TAFA5: variants seen among roughly 807,000 people sequenced by gnomAD.
TAFA5 encodes the protein chemokine-like protein TAFA-5.
Under a neutral mutation model 15.3 loss-of-function variants are expected in TAFA5, and 6 were observed. The ratio of observed to expected loss-of-function variants is 0.39; its 90% CI spans 0.21 to 0.77. The LOEUF is 0.77. Among genes scored for constraint, TAFA5 ranks in the 30% least tolerant of loss-of-function variants. TAFA5 has a pLI of 0.41. For missense variants in TAFA5, 161 were observed against 193.1 expected (o/e 0.83, Z 0.98); for synonymous variants, 103 against 80.7 (o/e 1.28, Z -1.48).
intron 1 of TAFA5, among the ~76,000 whole-genome samples, chr22:48,559,555 CT>C (rs1411647510): frequency 2.6e-5 from 4 of 152,140 alleles, no homozygotes; most frequent in East Asian, 1.9e-4. Context: ...CCCTTCCCCC[CT>C]GGTCTCCACG....
At chr22:48,586,704 A>T (rs1924374646) in intron 1 of TAFA5, among the ~76,000 whole-genome samples, 1 of 152,238 alleles carries the variant, frequency 6.6e-6, no homozygotes, top group Non-Finnish European at 1.5e-5. Flanking sequence ...GGTCCTGGGA[A>T]GGTGGCTTGG....
chr22:48,512,817 G>A lies in TAFA5; in HGVS notation c.112+23113G>A, dbSNP rs551682659. ...GAGCGCCTTTAGTCCCAGCTACTTG[G>A]GAGGCTGAGGCAGGAGAATGGTGTG... On this transcript the variant is annotated intron_variant, in intron 1 of 3. Transcript: ENST00000402357. Among the ~76,000 whole-genome samples, 7 of 151,414 alleles carry A rather than the reference G, an allele frequency of 4.6e-5. No homozygotes were observed. In the East Asian group the frequency reaches 1.4e-3, roughly 30 times the overall value.
intron 1 of TAFA5, among the ~76,000 whole-genome samples, chr22:48,512,814 T>C (rs1466938044): frequency 4.0e-5 from 6 of 150,556 alleles, no homozygotes; most frequent in Admixed American, 2.6e-4. Flanking sequence ...TCCCAGCTAC[T>C]TGGGAGGCTG....
intron 2 of TAFA5, among the ~76,000 whole-genome samples, chr22:48,698,568 G>A (rs1928801607): frequency 7.2e-6 from 1 of 139,702 alleles, no homozygotes; most frequent in Non-Finnish European, 1.6e-5. Flanking sequence ...CCAGTGCCAT[G>A]CAGGGAGGCT....
intron 2 of TAFA5, among the ~76,000 whole-genome samples, chr22:48,703,835 G>A (rs1446948382): frequency 6.6e-6 from 1 of 152,218 alleles, no homozygotes; most frequent in Non-Finnish European, 1.5e-5. Flanking sequence ...TCTGGTCTGT[G>A]CCAACCCCAC....
chr22:48,613,951 A>T (rs1301560523), intron 1 of TAFA5, among the ~76,000 whole-genome samples: 2 of 151,604 alleles, frequency 1.3e-5, no homozygotes, highest in Non-Finnish European at 2.9e-5. Context: ...GCTTCCCACC[A>T]CCCCCGGCTC....
At chr22:48,632,840 G>A (rs972842315) in intron 1 of TAFA5, among the ~76,000 whole-genome samples, 2 of 152,314 alleles carry the variant, frequency 1.3e-5, no homozygotes, top group African/African-American at 4.8e-5. Context: ...CCCAGGCGGA[G>A]GCTGGGCTGG....
At chr22:48,601,884 G>C (rs763565670) in intron 1 of TAFA5, among the ~76,000 whole-genome samples, 1 of 152,150 alleles carries the variant, frequency 6.6e-6, no homozygotes, top group South Asian at 2.1e-4. Flanking sequence ...GAGTGGCCTC[G>C]TTCCTCCACA....
At chr22:48,704,200 GCACA>G (rs61363637) in intron 2 of TAFA5, among the ~76,000 whole-genome samples, 227 of 150,214 alleles carry the variant, frequency 1.5e-3, no homozygotes, top group Non-Finnish European at 2.5e-3. Flanking sequence ...ACACACACGC[GCACA>G]CACACACACA....
At chr22:48,510,271 C>G (rs552857595) in intron 1 of TAFA5, among the ~76,000 whole-genome samples, 3 of 152,008 alleles carry the variant, frequency 2.0e-5, no homozygotes, top group Non-Finnish European at 4.4e-5. Context: ...GTGGAATGGG[C>G]GAGAATATTT....
At chr22:48,712,496 G>A (rs972511198) in intron 3 of TAFA5, among the ~76,000 whole-genome samples, 1 of 152,208 alleles carries the variant, frequency 6.6e-6, no homozygotes, top group African/African-American at 2.4e-5. Context: ...GAGGGTGAGC[G>A]CCCGGTGACA....
intron 2 of TAFA5, among the ~76,000 whole-genome samples, chr22:48,660,004 C>T (rs1474264755): frequency 6.6e-6 from 1 of 152,170 alleles, no homozygotes; most frequent in Admixed American, 6.5e-5. Flanking sequence ...CTGTTCCTCC[C>T]CTGCTCCGGG....
intron 1 of TAFA5, among the ~76,000 whole-genome samples, chr22:48,607,733 T>C (rs1419880873): frequency 1.3e-5 from 2 of 151,380 alleles, no homozygotes; most frequent in African/African-American, 4.9e-5. Context: ...AAAATGGGGG[T>C]TGGGGAGGCG....
rs1266079911 is a variant in TAFA5, at chr22:48,573,682, C to T, written c.113-72915C>T. On this transcript the variant is annotated intron_variant, in intron 1 of 3. Coordinates refer to ENST00000402357, the MANE Select transcript of TAFA5 (RefSeq NM_001082967.3). ...CATTAGGTATGGAGGTCCTCCTGTC[C>T]CACCTGTTGAAAGTGAATTGGTGGG... Among the ~76,000 whole-genome samples, 5 of 152,318 alleles carry T rather than the reference C, an allele frequency of 3.3e-5. No homozygotes were observed. In the East Asian group the frequency reaches 9.6e-4, roughly 29 times the overall value.
rs563895176 is a variant in TAFA5, at chr22:48,705,759, G to A, written c.263-1958G>A. ...TAGCCATGAAGCCAGCCCGCTGCCC[G>A]TCTGGAGGACGGTATGTTAGCACAC... On this transcript the variant is annotated intron_variant, in intron 2 of 3. Transcript: ENST00000402357. Among the ~76,000 whole-genome samples the A allele has an allele frequency of 9.2e-4, 140 of 152,390 alleles. 3 individuals carry two copies. The highest frequency in any genetic ancestry group is 3.9e-4 in the East Asian group (2 of 5,184).
At chr22:48,633,088 C>T (rs955847478) in intron 1 of TAFA5, among the ~76,000 whole-genome samples, 6 of 152,150 alleles carry the variant, frequency 3.9e-5, no homozygotes, top group Admixed American at 2.6e-4. Flanking sequence ...CCCAGGGGCT[C>T]CCAGGGGCTG....
chr22:48,711,878 C>T (rs1002084981), intron 3 of TAFA5, among the ~76,000 whole-genome samples: 5 of 152,344 alleles, frequency 3.3e-5, no homozygotes, highest in East Asian at 1.9e-4. Flanking sequence ...GGGCCGTTGC[C>T]GTTTACTTCT....
chr22:48,526,702 A>G (rs1393105396), intron 1 of TAFA5, among the ~76,000 whole-genome samples: 3 of 152,232 alleles, frequency 2.0e-5, no homozygotes, highest in Non-Finnish European at 2.9e-5. Flanking sequence ...CGGAGTTTTC[A>G]TCGTGAGAAG....
At chr22:48,595,484 G>T (rs964973264) in intron 1 of TAFA5, among the ~76,000 whole-genome samples, 54 of 152,364 alleles carry the variant, frequency 3.5e-4, no homozygotes, top group African/African-American at 1.3e-3. Flanking sequence ...GCTGCCGGTA[G>T]CTATGAGGAG....
Sources: gnomAD v4.1 joint callset for allele counts (sites outside exome capture counted in the v4.1 genomes callset) on GRCh38, gnomAD v4.1.1 for gene constraint, MANE v1.5 for transcripts, NCBI Gene and HGNC (gene_info 2026-07-23, HGNC 2026-07-21) for gene names.